The following IL4 variants were observed in gnomAD, a reference collection of about 807,000 sequenced individuals.
IL4 encodes interleukin-4.
IL4 carries 10 observed loss-of-function variants against 17.4 expected under a neutral mutation model. The ratio of observed to expected loss-of-function variants is 0.57; its 90% CI spans 0.35 to 0.97. The LOEUF is 0.97. Ranked by LOEUF, IL4 falls within the 50% of genes least tolerant of loss-of-function variation. The probability of loss-of-function intolerance (pLI) is 0.01; values close to 1 mark genes in which losing one functional copy is unlikely to be tolerated. For synonymous variants in IL4, 87 were observed against 79.0 expected (o/e 1.10, Z -0.54); for missense variants, 174 against 187.7 (o/e 0.93, Z 0.43).
At chr5:132,675,517 C>T (rs141364770) in intron 2 of IL4, among the ~76,000 whole-genome samples, 5 of 151,430 alleles carry the variant, frequency 3.3e-5, no homozygotes, top group Admixed American at 6.6e-5. Context: ...CCCGGGAGTC[C>T]GATACAGGAT....
At chr5:132,679,005 C>T (rs1178434110) in intron 2 of IL4, among the ~76,000 whole-genome samples, 1 of 152,238 alleles carries the variant, frequency 6.6e-6, no homozygotes, top group East Asian at 1.9e-4. Context: ...CAAAAGGCCC[C>T]TTACAGAAGC....
At chr5:132,676,494 C>T (rs967907527) in intron 2 of IL4, among the ~76,000 whole-genome samples, 1 of 152,056 alleles carries the variant, frequency 6.6e-6, no homozygotes, top group African/African-American at 2.4e-5. Context: ...GCCCTCCCGT[C>T]CTTAACTCCC....
chr5:132,674,655 C>G, intron 2 of IL4, 149 bp downstream of exon 2: 1 of 648,780 alleles, frequency 1.5e-6, no homozygotes, highest in Admixed American at 2.8e-5. Context: ...CTGATCTTTA[C>G]TCTTAAGCAT....
intron 3 of IL4, 137 bp from the exon 4 acceptor site, chr5:132,682,349 A>C (rs1473268287): frequency 5.1e-6 from 3 of 587,336 alleles, no homozygotes; most frequent in Non-Finnish European, 9.1e-6. Context: ...GATAGAGACA[A>C]CTCCCAGTCA....
chr5:132,676,130 C>T (rs1752380600), intron 2 of IL4, among the ~76,000 whole-genome samples: 1 of 152,064 alleles, frequency 6.6e-6, no homozygotes, highest in South Asian at 2.1e-4. Context: ...GGGCTGAGGG[C>T]CTGGAGGTAA....
chr5:132,674,399 T>C, intron 1 of IL4, 60 bp from the exon 2 acceptor site: 1 of 1,545,050 alleles, frequency 6.5e-7, no homozygotes, highest in Non-Finnish European at 8.9e-7. Context: ...CATCAAGGAC[T>C]TCTCTGTCCG....
At chr5:132,682,239 C>A (rs763849060) in intron 3 of IL4, among the ~76,000 whole-genome samples, 4 of 152,090 alleles carry the variant, frequency 2.6e-5, no homozygotes, top group Non-Finnish European at 4.4e-5. Context: ...CTCCCCCCCG[C>A]GCCACCCACC....
chr5:132,675,847 T>TTGTG lies in IL4; in HGVS notation c.183+1342_183+1343insGTGT, dbSNP rs1232830673. 2.2e-4 allele frequency among the ~76,000 whole-genome samples: 15 copies of TTGTG among 68,002 alleles called. No homozygotes were observed. The South Asian group carries it at 6.8e-3, about 31-fold the overall frequency. The allele number at this position is 68,002 out of a possible 152,430, so 44.6% of individuals were successfully genotyped here. On this transcript the variant is annotated intron_variant, in intron 2 of 3. Coordinates refer to ENST00000231449, the MANE Select transcript of IL4 (RefSeq NM_000589.4). ...TTAGCCACTGCACCTGGGCAACAGT[T>TTGTG]TATGTGTGTGTGTGTGTGTGTGTGT...
chr5:132,678,853 C>T (rs1419537725), intron 2 of IL4, among the ~76,000 whole-genome samples: 1 of 152,240 alleles, frequency 6.6e-6, no homozygotes, highest in Non-Finnish European at 1.5e-5. Context: ...GACTGAGACA[C>T]AATCCCTCTC....
chr5:132,680,889 G>A lies in IL4; in HGVS notation c.360+999G>A, dbSNP rs1175600433. On this transcript the variant is annotated intron_variant, in intron 3 of 3. Coordinates refer to ENST00000231449, the MANE Select transcript of IL4 (RefSeq NM_000589.4). This position sits in a 1 kb window ranked among gnomAD's most constrained non-coding sequence, Gnocchi z 4.3. ...GTTGTAGGGGGTAAGATACAGGGGA[G>A]GAAAAGATGACCTCTTTGTTCCTGC... 2.0e-5 allele frequency among the ~76,000 whole-genome samples: 3 copies of A among 152,208 alleles called. No individual in the cohort carries two copies. The highest frequency in any genetic ancestry group is 3.9e-4 in the East Asian group (2 of 5,194).
rs906955931 is a variant in IL4 at position 132,680,235 on chromosome 5, G to T, written c.360+345G>T. 2.0e-5 allele frequency among the ~76,000 whole-genome samples: 3 copies of T among 152,186 alleles called. No individual in the cohort carries two copies. Among genetic ancestry groups the T allele is most frequent in the Admixed American group, 6.5e-5 (1 of 15,276 alleles). The stretch of plus-strand genomic sequence containing the variant: ...CATGGGGGAGGGGGCTGACTTAGGA[G>T]CTGGTGACATTATCTGAGCAGATAT... On this transcript the variant is annotated intron_variant, in intron 3 of 3. Transcript: ENST00000231449. This position sits in a 1 kb window ranked among gnomAD's most constrained non-coding sequence, Gnocchi z 4.3.
chr5:132,675,155 C>T (rs1317438873), intron 2 of IL4, among the ~76,000 whole-genome samples: 4 of 152,210 alleles, frequency 2.6e-5, no homozygotes, highest in Admixed American at 6.5e-5. Context: ...TCCTGTGCTG[C>T]CTCACCCCCA....
rs1752511355 is a variant in IL4 at position 132,682,674 on chromosome 5, T to A, written c.*87T>A. On this transcript the variant is annotated 3_prime_UTR_variant, in exon 4 of 4. Transcript: ENST00000231449. The stretch of plus-strand genomic sequence containing the variant: ...ATCATAAAATAAAGTATATATAGAA[T>A]CTAACAGCAATGGCATTTAATGTAT... 1.6e-6 allele frequency: 1 copy of A among 624,284 alleles called. No individual in the cohort carries two copies. The highest frequency in any genetic ancestry group is 1.9e-5 in the African/African-American group (1 of 52,616). 38.7% of individuals were successfully genotyped at this position (624,284 alleles called of 1,614,324 possible).
At chr5:132,677,614 ATC>A (rs1752404814) in intron 2 of IL4, among the ~76,000 whole-genome samples, 1 of 152,202 alleles carries the variant, frequency 6.6e-6, no homozygotes. Context: ...TTTCAAAAAT[ATC>A]TTTAGAGGGT....
chr5:132,679,681 G>A, intron 2 of IL4, 33 bp from the exon 3 acceptor site: 1 of 1,573,904 alleles, frequency 6.4e-7, no homozygotes, highest in Non-Finnish European at 8.7e-7. Flanking sequence ...AATGGAGCTG[G>A]CACATTGCTA....
Position 132,673,999 on chromosome 5 carries a change from TCTC to T in IL4, c.-49_-47del. 6.4e-7 allele frequency: 1 copy of T among 1,565,076 alleles called. No individual in the cohort carries two copies. Among genetic ancestry groups the T allele is most frequent in the Non-Finnish European group, 8.8e-7 (1 of 1,136,670 alleles). On this transcript the variant is annotated 5_prime_UTR_variant, in exon 1 of 4. Transcript: ENST00000231449. ...CTTTGTCAGCATTGCATCGTTAGCT[TCTC>T]CTGATAAACTAATTGCCTCACATTG... is the stretch of plus-strand genomic sequence containing the variant.
rs1752341823 is a variant in IL4, at chr5:132,674,476, G to A, written c.153G>A (p.Leu51=). Residue 51 remains leucine, a synonymous_variant, in exon 2 of 4, where the codon TTG becomes TTA. Transcript: ENST00000231449. ...LTEQKTLCTE[L]TVTDIFAASK... is the part of the protein sequence containing the mutation. ...GGACCAAGACTCTGTGCACCGAGTT[G>A]ACCGTAACAGACATCTTTGCTGCCT... is the stretch of plus-strand genomic sequence containing the variant. The A allele has an allele frequency of 6.2e-7, 1 of 1,614,014 alleles. No homozygotes were observed. Among genetic ancestry groups the A allele is most frequent in the Admixed American group, 1.7e-5 (1 of 60,004 alleles).
rs201620694 is a variant in IL4 at position 132,674,444 on chromosome 5, T to C, written c.136-15T>C. 9 of 1,613,740 alleles carry C rather than the reference T, an allele frequency of 5.6e-6. No individual in the cohort carries two copies. Among genetic ancestry groups the C allele is most frequent in the Non-Finnish European group, 7.6e-6 (9 of 1,179,708 alleles). ...TAACTCTGTCTCTTGCTCTCTCATT[T>C]CTGCCTGGACCAAGACTCTGTGCAC... On this transcript the variant is annotated splice_polypyrimidine_tract_variant and intron_variant, in intron 1 of 3. Transcript: ENST00000231449.
intron 2 of IL4, among the ~76,000 whole-genome samples, chr5:132,677,076 G>A (rs1317817312): frequency 6.6e-6 from 1 of 152,242 alleles, no homozygotes; most frequent in African/African-American, 2.4e-5. Context: ...TAATTCTACA[G>A]AGAGTTCCAT....
Sources: allele counts gnomAD v4.1 joint callset (sites outside exome capture counted in the v4.1 genomes callset), GRCh38; gene constraint gnomAD v4.1.1; non-coding constraint Gnocchi (gnomAD v3.1); transcripts MANE v1.5; gene names NCBI Gene and HGNC (gene_info 2026-07-23, HGNC 2026-07-21).